The following TSHZ2 variants were observed in gnomAD, a reference collection of about 807,000 sequenced individuals.
TSHZ2 encodes teashirt zinc finger homeobox 2.
TSHZ2 carries 21 observed loss-of-function variants against 74.4 expected under a neutral mutation model. The ratio of observed to expected loss-of-function variants is 0.28; its 90% confidence interval spans 0.20 to 0.41. The LOEUF (loss-of-function observed/expected upper bound fraction) is 0.41, where lower values mean the gene tolerates loss of function less well. Among genes scored for constraint, TSHZ2 ranks in the 10% least tolerant of loss-of-function variants. TSHZ2 has a pLI of 1.00. For synonymous variants in TSHZ2, 540 were observed against 515.3 expected (o/e 1.05, Z -0.65); for missense variants, 1,244 against 1,293.5 (o/e 0.96, Z 0.59).
At position 53,255,852 on chromosome 20, in the gene TSHZ2, G is replaced by C; in HGVS notation, c.2394G>C (p.Met798Ile). 6.2e-7 allele frequency: 1 copy of C among 1,611,534 alleles called. No homozygotes were observed. Among genetic ancestry groups the C allele is most frequent in the Non-Finnish European group, 8.5e-7 (1 of 1,178,346 alleles). ...QKHALSDIADMVKVLPKATTP... is the reference protein window; with the variant it reads ...QKHALSDIADIVKVLPKATTP... Reference sequence around the variant, plus strand: ...ACGCTCTGTCTGACATCGCCGACATGGTCAAAGTCCTCCCCAAAGCCACCA... The same window carrying C: ...ACGCTCTGTCTGACATCGCCGACATCGTCAAAGTCCTCCCCAAAGCCACCA... The change falls in exon 2 of 3, where the codon ATG becomes ATC. Residue 798 changes from methionine (M) to isoleucine (I), a missense_variant. Transcript: ENST00000371497. This position sits in a 1 kb window ranked among gnomAD's most constrained non-coding sequence, Gnocchi z 4.1.
rs77381796 is a variant in TSHZ2 at position 53,127,793 on chromosome 20, G to C, written c.41-125706G>C. On this transcript the variant is annotated intron_variant, in intron 1 of 2. Transcript: ENST00000371497. ...CAATGAAGAAAGTGAGACTCAGAGA[G>C]ACAAGATGACTTGCTCACGGTCAGA... Among the ~76,000 whole-genome samples, 800 of 152,294 alleles carry C rather than the reference G, an allele frequency of 5.3e-3. 7 individuals carry two copies. The highest frequency in any genetic ancestry group is 0.019 in the African/African-American group (779 of 41,556).
At chr20:52,997,261 G>GA (rs921254113) in intron 1 of TSHZ2, among the ~76,000 whole-genome samples, 9 of 135,008 alleles carry the variant, frequency 6.7e-5, no homozygotes, top group South Asian at 2.2e-4. Flanking sequence ...TCTTGCCCCG[G>GA]GGGGGGGTTC....
chr20:53,256,020 G>A lies in TSHZ2; in HGVS notation c.2562G>A (p.Leu854=). Residue 854 remains leucine (L), a synonymous_variant, in exon 2 of 3, where the codon CTG becomes CTA. Coordinates refer to ENST00000371497, the MANE Select transcript of TSHZ2 (RefSeq NM_173485.6). The surrounding 1 kb of genome is among the most constrained non-coding windows in gnomAD (Gnocchi z 4.3). ...RQSNWNPQHL[L]ILQAQFASSL... ...CCAACTGGAATCCTCAGCATCTTCT[G>A]ATTCTACAAGCCCAGTTTGCCTCGA... 2 of 1,613,182 alleles carry A rather than the reference G, an allele frequency of 1.2e-6. No individual in the cohort carries two copies. Among genetic ancestry groups the A allele is most frequent in the Non-Finnish European group, 1.7e-6 (2 of 1,179,372 alleles).
chr20:53,192,556 T>G (rs1988762208), intron 1 of TSHZ2, among the ~76,000 whole-genome samples: 1 of 140,242 alleles, frequency 7.1e-6, no homozygotes, highest in Admixed American at 7.1e-5. Context: ...GACAATTTAG[T>G]GTCTGGAAAA....
intron 1 of TSHZ2, among the ~76,000 whole-genome samples, chr20:53,219,112 C>G (rs1185275390): frequency 6.6e-6 from 1 of 152,186 alleles, no homozygotes; most frequent in Non-Finnish European, 1.5e-5. Flanking sequence ...CCCTTGGAGG[C>G]CTTTTCTCAG....
At chr20:53,335,997 A>G (rs1979933210) in intron 2 of TSHZ2, among the ~76,000 whole-genome samples, 1 of 152,226 alleles carries the variant, frequency 6.6e-6, no homozygotes. Context: ...TATTTTCATC[A>G]GTTTTTTAAA....
chr20:53,236,778 G>A (rs2123684162), intron 1 of TSHZ2, among the ~76,000 whole-genome samples: 1 of 152,330 alleles, frequency 6.6e-6, no homozygotes, highest in East Asian at 1.9e-4. Flanking sequence ...CAAAGGAGAA[G>A]CAAACATGTC....
chr20:53,179,380 C>A (rs1467856689), intron 1 of TSHZ2: 1 of 152,148 alleles, frequency 6.6e-6, no homozygotes, highest in Non-Finnish European at 1.5e-5. Context: ...TTCCAGCCAT[C>A]ATGACTTAAT....
intron 2 of TSHZ2, among the ~76,000 whole-genome samples, chr20:53,446,425 AC>A (rs1984547204): frequency 7.8e-6 from 1 of 127,994 alleles, no homozygotes; most frequent in Non-Finnish European, 1.7e-5. Flanking sequence ...AAAAAAAAAA[AC>A]TAGCCGGGTG....
intron 1 of TSHZ2, among the ~76,000 whole-genome samples, chr20:53,075,142 T>C (rs1600677669): frequency 6.6e-6 from 1 of 152,356 alleles, no homozygotes; most frequent in Non-Finnish European, 1.5e-5. Flanking sequence ...CGATAGATCA[T>C]TGTGACGTGC....
At chr20:53,094,253 C>T (rs1226910649) in intron 1 of TSHZ2, among the ~76,000 whole-genome samples, 1 of 152,192 alleles carries the variant, frequency 6.6e-6, no homozygotes, top group African/African-American at 2.4e-5. Context: ...GTCATAAAAA[C>T]CACCAAATCC....
chr20:53,069,431 T>A (rs997736618), intron 1 of TSHZ2, among the ~76,000 whole-genome samples: 1 of 152,160 alleles, frequency 6.6e-6, no homozygotes, highest in African/African-American at 2.4e-5. Context: ...TAATGATTTA[T>A]CCTATTATCT....
At chr20:53,217,236 G>C (rs1483100992) in intron 1 of TSHZ2, among the ~76,000 whole-genome samples, 2 of 152,138 alleles carry the variant, frequency 1.3e-5, no homozygotes, top group Admixed American at 1.3e-4. Flanking sequence ...GCGCTTGGCC[G>C]ATGCCAGCAC....
intron 2 of TSHZ2, among the ~76,000 whole-genome samples, chr20:53,292,014 G>A (rs1188167333): frequency 7.3e-5 from 11 of 150,152 alleles, no homozygotes; most frequent in African/African-American, 1.7e-4. Context: ...AAAAAGAACA[G>A]ATAGGGAATT....
At chr20:53,321,459 G>A (rs973264987) in intron 2 of TSHZ2, among the ~76,000 whole-genome samples, 3 of 151,956 alleles carry the variant, frequency 2.0e-5, no homozygotes, top group African/African-American at 7.3e-5. Flanking sequence ...GCCGAAGCAG[G>A]CGGATCACGA....
At chr20:53,363,110 G>A (rs536636121) in intron 2 of TSHZ2, among the ~76,000 whole-genome samples, 1 of 152,366 alleles carries the variant, frequency 6.6e-6, no homozygotes, top group South Asian at 2.1e-4. Context: ...GGGTATACCC[G>A]AGGCATGTGC....
intron 2 of TSHZ2, among the ~76,000 whole-genome samples, chr20:53,441,221 GTTTATTTTAT>G (rs11472706): frequency 0.33 from 40,971 of 125,196 alleles, 6,198 homozygotes; most frequent in Admixed American, 0.34. Flanking sequence ...TTATTTATTT[GTTTATTTTAT>G]TTTATTTTAT....
chr20:53,262,014 G>A lies in TSHZ2; in HGVS notation c.*8+5443G>A, dbSNP rs538259366. Among the ~76,000 whole-genome samples, 482 of 152,240 alleles carry A rather than the reference G, an allele frequency of 3.2e-3. 1 individual carries two copies. The highest frequency in any genetic ancestry group is 0.01 in the Middle Eastern group (3 of 294). On this transcript the variant is annotated intron_variant, in intron 2 of 2. Transcript: ENST00000371497. ...AATCGCCAGAGCTGCTCTCTGTGAG[G>A]ATCTTGAACTTGCCCTTCCTGCAGA...
chr20:53,227,408 A>G (rs1408780658), intron 1 of TSHZ2, among the ~76,000 whole-genome samples: 1 of 151,096 alleles, frequency 6.6e-6, no homozygotes, highest in Admixed American at 6.6e-5. Context: ...GCTATATTTT[A>G]TGTTTCTTTT....
Sources: gnomAD v4.1 joint callset for allele counts (sites outside exome capture counted in the v4.1 genomes callset) on GRCh38, gnomAD v4.1.1 for gene constraint, Gnocchi (gnomAD v3.1) non-coding constraint, MANE v1.5 for transcripts, NCBI Gene and HGNC (gene_info 2026-07-23, HGNC 2026-07-21) for gene names.